The following TNNC2 variants were observed in gnomAD, a reference collection of about 807,000 sequenced individuals.
TNNC2 encodes troponin C2, fast skeletal type, also known as troponin C, skeletal muscle.
TNNC2 carries 14 observed loss-of-function variants against 20.0 expected under a neutral mutation model. The ratio of observed to expected loss-of-function variants is 0.70; its 90% CI spans 0.46 to 1.09. The LOEUF (loss-of-function observed/expected upper bound fraction) is 1.09. Among genes scored for constraint, TNNC2 ranks in the 50% least tolerant of loss-of-function variants. The pLI, the probability that TNNC2 is intolerant of heterozygous loss-of-function variation, is 0.00. For missense variants in TNNC2, 163 were observed against 223.8 expected (o/e 0.73, Z 1.73); for synonymous variants, 81 against 77.3 (o/e 1.05, Z -0.25).
chr20:45,824,221 G>T (rs1337919135), intron 4 of TNNC2, 71 bp downstream of exon 4: 4 of 1,600,636 alleles, frequency 2.5e-6, no homozygotes, highest in Non-Finnish European at 3.4e-6. Flanking sequence ...CCAACACGGG[G>T]AAGCTTCCAG....
upstream of TNNC2, among the ~76,000 whole-genome samples, chr20:45,829,158 TG>T (rs1452789500): frequency 1.3e-4 from 17 of 135,290 alleles, no homozygotes; most frequent in South Asian, 7.0e-4. Flanking sequence ...TTTTTGTTTT[TG>T]GTTTTTTTTT....
At chr20:45,832,722 G>T (rs1025921545) in intron 2 of TNNC2, among the ~76,000 whole-genome samples, 1 of 152,208 alleles carries the variant, frequency 6.6e-6, no homozygotes, top group African/African-American at 2.4e-5. Context: ...CCTAACAACT[G>T]ATACCTAGGC....
At chr20:45,824,165 G>A in intron 4 of TNNC2, 38 bp from the exon 5 acceptor site, 1 of 1,608,140 alleles carries the variant, frequency 6.2e-7, no homozygotes, top group Non-Finnish European at 8.5e-7. Flanking sequence ...TCAGGGCCGG[G>A]GCGAGCTGCC....
chr20:45,824,079 C>T lies in TNNC2; in HGVS notation c.363G>A (p.Arg121=), dbSNP rs1198339345. The part of the protein sequence containing the change: ...IDPEELAEIF[R]ASGEHVTDEE... The stretch of plus-strand genomic sequence containing the variant: ...CGTCCGTCACGTGCTCCCCGGAGGC[C>T]CTGAAAATCTCAGCCAGCTCCTCCG... Residue 121 remains arginine (R), a synonymous_variant, in exon 5 of 6, where the codon AGG becomes AGA. Transcript: ENST00000372555. 2 of 1,614,142 alleles carry T rather than the reference C, an allele frequency of 1.2e-6. No homozygotes were observed.
At position 45,827,257 on chromosome 20, in the gene TNNC2, G is replaced by C. The variant is rs915548358; in HGVS notation, c.-9C>G. 11 of 1,613,962 alleles carry C rather than the reference G, an allele frequency of 6.8e-6. No homozygotes were observed. The highest frequency in any genetic ancestry group is 9.3e-6 in the Non-Finnish European group (11 of 1,180,018). ...CCTCTTGTCCTTACCATGGTTGCTGGTGACCGGGACTCCTCTGTTGCAGGT... is the reference window on the plus strand; with the variant it reads ...CCTCTTGTCCTTACCATGGTTGCTGCTGACCGGGACTCCTCTGTTGCAGGT... On this transcript the variant is annotated 5_prime_UTR_variant, in exon 1 of 6. Transcript: ENST00000372555.
At chr20:45,832,621 C>T (rs1256930163) in intron 2 of TNNC2, among the ~76,000 whole-genome samples, 1 of 152,204 alleles carries the variant, frequency 6.6e-6, no homozygotes, top group East Asian at 1.9e-4. Flanking sequence ...TTTTCCCCCA[C>T]CCTTCTCTCC....
Position 45,824,055 on chromosome 20 carries a change from G to C in TNNC2, c.387C>G (p.Asp129Glu). ...CTTTCATCAGAGATTCGATCTCCTC[G>C]TCCGTCACGTGCTCCCCGGAGGCCC... ...IFRASGEHVT[D>E]EEIESLMKDG... is the part of the protein sequence containing the mutation. The change falls in exon 5 of 6, where the codon GAC becomes GAG. Residue 129 changes from aspartate to glutamate, a missense_variant. Asp to Glu is a conservative substitution (Grantham distance 45, BLOSUM62 2). Coordinates refer to ENST00000372555, the MANE Select transcript of TNNC2 (RefSeq NM_003279.3). 1 of 1,614,056 alleles carries C rather than the reference G, an allele frequency of 6.2e-7. No individual in the cohort carries two copies. Among genetic ancestry groups the C allele is most frequent in the Non-Finnish European group, 8.5e-7 (1 of 1,179,988 alleles).
rs767395238 is a variant in TNNC2 at position 45,823,961 on chromosome 20, C to T, written c.451+30G>A. 3.1e-6 allele frequency: 5 copies of T among 1,613,254 alleles called. No homozygotes were observed. In the South Asian group the frequency reaches 3.3e-5, roughly 11 times the overall value. On this transcript the variant is annotated intron_variant, in intron 5 of 5. Coordinates refer to ENST00000372555, the MANE Select transcript of TNNC2 (RefSeq NM_003279.3). The surrounding 1 kb of genome is among the most constrained non-coding windows in gnomAD (Gnocchi z 4.6). The stretch of plus-strand genomic sequence containing the variant: ...CCCGCCGTCCTCTGGGGCTCCCACC[C>T]GCTCTTCCCAAGCTCCCGTTGGCCC...
chr20:45,828,668 C>T (rs1406673378), upstream of TNNC2, among the ~76,000 whole-genome samples: 1 of 152,042 alleles, frequency 6.6e-6, no homozygotes, highest in East Asian at 1.9e-4. Flanking sequence ...CAGAGGGAGC[C>T]CAACCTGAGA....
intron 1 of TNNC2, among the ~76,000 whole-genome samples, chr20:45,825,119 G>A (rs935359262): frequency 2.0e-5 from 3 of 152,098 alleles, no homozygotes; most frequent in Non-Finnish European, 4.4e-5. Context: ...GAGTAGCTGG[G>A]ACTATAGCAT....
In TNNC2 at chr20:45,824,569, G is replaced by T. The variant is rs1236930321; in HGVS notation, c.125C>A (p.Thr42Lys). Reference protein sequence around the residue: ...GGDISVKELGTVMRMLGQTPT... With the variant: ...GGDISVKELGKVMRMLGQTPT... ...TGTCTGGCCCAGCATCCTCATCACC[G>T]TGCCCAACTCCTTGACGCTGATGTC... Residue 42 changes from threonine (T) to lysine (K), a missense_variant, in exon 3 of 6, where the codon ACG becomes AAG. Thr to Lys is a moderately conservative substitution (Grantham distance 78). Coordinates refer to ENST00000372555, the MANE Select transcript of TNNC2 (RefSeq NM_003279.3). 2 of 1,612,974 alleles carry T rather than the reference G, an allele frequency of 1.2e-6. No individual in the cohort carries two copies.
upstream of TNNC2, among the ~76,000 whole-genome samples, chr20:45,831,427 A>G (rs569887370): frequency 2.4e-4 from 37 of 152,222 alleles, no homozygotes; most frequent in Middle Eastern, 3.4e-3. Flanking sequence ...AAATACAAAA[A>G]TTAGCCGGGT....
At chr20:45,825,777 C>T (rs186667875) in intron 1 of TNNC2, among the ~76,000 whole-genome samples, 16 of 152,218 alleles carry the variant, frequency 1.1e-4, no homozygotes, top group Non-Finnish European at 2.4e-4. Flanking sequence ...TGCACCACAA[C>T]GCCCGGCTAA....
chr20:45,827,404 T>G, upstream of TNNC2: 1 of 948,362 alleles, frequency 1.1e-6, no homozygotes, highest in Non-Finnish European at 1.6e-6. Context: ...CCCAATCAGA[T>G]CCTGGGGTCA....
At chr20:45,831,677 A>G (rs1454080297), upstream of TNNC2, among the ~76,000 whole-genome samples, 1 of 152,144 alleles carries the variant, frequency 6.6e-6, no homozygotes, top group Non-Finnish European at 1.5e-5. Flanking sequence ...AAGCAAAAAG[A>G]AGAAGAAATA....
At position 45,824,477 on chromosome 20, in the gene TNNC2, C is replaced by G. The variant is rs1267792677; in HGVS notation, c.199+18G>C. The G allele has an allele frequency of 6.2e-7, 1 of 1,613,076 alleles. No individual in the cohort carries two copies. The highest frequency in any genetic ancestry group is 1.3e-5 in the African/African-American group (1 of 74,906). On this transcript the variant is annotated intron_variant, in intron 3 of 5. Transcript: ENST00000372555. ...GCCTCTCCCCACCATCCCCTGCCTCCGAGGGACACCCGCTCACCGTCCTCA... is the reference window on the plus strand; with the variant it reads ...GCCTCTCCCCACCATCCCCTGCCTCGGAGGGACACCCGCTCACCGTCCTCA...
chr20:45,831,212 G>A (rs1171847860), upstream of TNNC2, among the ~76,000 whole-genome samples: 1 of 152,198 alleles, frequency 6.6e-6, no homozygotes. Context: ...CTTGAGCCCA[G>A]GAGTTTGAGG....
rs747329067 is a variant in TNNC2 at position 45,824,011 on chromosome 20, T to C, written c.431A>G (p.Asp144Gly). The stretch of plus-strand genomic sequence containing the variant: ...CTCACCGTCGAAGTCAATGCGGCCG[T>C]CGTTGTTCTTGTCGCCGTCTTTCAT... ...SLMKDGDKNN[D>G]GRIDFDEFLK... is the part of the protein sequence containing the mutation. Residue 144 changes from aspartate to glycine, a missense_variant, in exon 5 of 6, where the codon GAC becomes GGC. Transcript: ENST00000372555. The C allele has an allele frequency of 4.3e-6, 7 of 1,613,886 alleles. No homozygotes were observed. The highest frequency in any genetic ancestry group is 1.3e-5 in the African/African-American group (1 of 74,900).
upstream of TNNC2, among the ~76,000 whole-genome samples, chr20:45,828,161 G>C (rs545549519): frequency 1.3e-5 from 2 of 150,868 alleles, no homozygotes; most frequent in Non-Finnish European, 2.9e-5. Flanking sequence ...TCAGCCTCCC[G>C]AGTAGCTGGG....
Sources: gnomAD v4.1 joint callset for allele counts (sites outside exome capture counted in the v4.1 genomes callset) on GRCh38, gnomAD v4.1.1 for gene constraint, Gnocchi (gnomAD v3.1) non-coding constraint, MANE v1.5 for transcripts, NCBI Gene and HGNC (gene_info 2026-07-23, HGNC 2026-07-21) for gene names.